Variants in TBL1X observed in about 807,000 individuals in gnomAD.
TBL1X encodes the protein F-box-like/WD repeat-containing protein TBL1X.
TBL1X carries 10 observed loss-of-function variants against 50.7 expected under a neutral mutation model. The observed-to-expected ratio is 0.20, with a 90% CI of 0.12 to 0.33. The LOEUF (loss-of-function observed/expected upper bound fraction) is 0.33. Among genes scored for constraint, TBL1X ranks in the 10% least tolerant of loss-of-function variants. The pLI, the probability that TBL1X is intolerant of heterozygous loss-of-function variation, is 1.00. For missense variants in TBL1X, 340 were observed against 504.4 expected (o/e 0.67, Z 3.12); for synonymous variants, 190 against 214.7 (o/e 0.88, Z 1.01).
intron 1 of TBL1X, among the ~76,000 whole-genome samples, chrX:9,496,490 AC>A (rs2081971769): frequency 8.9e-6 from 1 of 112,946 alleles, no homozygotes; most frequent in African/African-American, 3.2e-5. Flanking sequence ...CTTCAGTTGT[AC>A]ATATCAATTA....
At chrX:9,468,320 A>G (rs901299606) in intron 1 of TBL1X, among the ~76,000 whole-genome samples, 1 of 112,102 alleles carries the variant, frequency 8.9e-6, no homozygotes, top group Admixed American at 9.5e-5. Context: ...GTTGCAGCCA[A>G]CTAATGGTTC....
intron 2 of TBL1X, among the ~76,000 whole-genome samples, chrX:9,586,467 A>G (rs2082470331): frequency 8.9e-6 from 1 of 112,887 alleles, no homozygotes; most frequent in Non-Finnish European, 1.9e-5. Flanking sequence ...AGAAAGTAGA[A>G]TGGCAGTTGC....
intron 2 of TBL1X, 46 bp downstream of exon 2, chrX:9,501,895 T>G (rs921262698): frequency 7.2e-5 from 8 of 110,940 alleles, no homozygotes; most frequent in African/African-American, 2.6e-4. Context: ...TGGAAATTCT[T>G]TCCTGTGAGA....
chrX:9,545,518 C>G (rs763505309), intron 2 of TBL1X, among the ~76,000 whole-genome samples: 20 of 107,789 alleles, frequency 1.9e-4, no homozygotes, highest in Non-Finnish European at 3.6e-4. Context: ...GCACTCCATC[C>G]TGGGTGACAA....
At chrX:9,471,557 C>G (rs763461400) in intron 1 of TBL1X, among the ~76,000 whole-genome samples, 2 of 112,048 alleles carry the variant, frequency 1.8e-5, no homozygotes, top group East Asian at 5.6e-4. Context: ...TCAGTTTTCC[C>G]ATGATTAAAA....
intron 2 of TBL1X, among the ~76,000 whole-genome samples, chrX:9,528,419 C>T (rs939865884): frequency 9.0e-6 from 1 of 110,707 alleles, no homozygotes; most frequent in African/African-American, 3.3e-5. Context: ...GAGGAGTTCT[C>T]CCGAGGCCCT....
intron 1 of TBL1X, among the ~76,000 whole-genome samples, chrX:9,473,222 C>G (rs2081828670): frequency 8.9e-6 from 1 of 112,055 alleles, no homozygotes; most frequent in African/African-American, 3.2e-5. Flanking sequence ...ATTGATATCC[C>G]TGAATAGGAA....
At chrX:9,608,046 C>T (rs1026457578) in intron 2 of TBL1X, among the ~76,000 whole-genome samples, 1 of 109,504 alleles carries the variant, frequency 9.1e-6, no homozygotes, top group East Asian at 2.9e-4. Context: ...AACTGATCCT[C>T]CCGCCTTGGG....
At chrX:9,525,764 A>G (rs905209592) in intron 2 of TBL1X, among the ~76,000 whole-genome samples, 2 of 112,235 alleles carry the variant, frequency 1.8e-5, no homozygotes, top group Non-Finnish European at 3.8e-5. Flanking sequence ...CTTGGCCAGA[A>G]TTTAAATGTT....
intron 13 of TBL1X, among the ~76,000 whole-genome samples, chrX:9,705,538 T>A (rs771603689): frequency 3.6e-5 from 4 of 110,613 alleles, no homozygotes; most frequent in Non-Finnish European, 7.6e-5. Context: ...GAGGATTGCT[T>A]GAGGCCAGGA....
At chrX:9,479,920 G>A (rs1396714882) in intron 1 of TBL1X, among the ~76,000 whole-genome samples, 2 of 108,939 alleles carry the variant, frequency 1.8e-5, no homozygotes, top group Non-Finnish European at 3.8e-5. Flanking sequence ...TACATGCAAG[G>A]CGTAGAAGGA....
chrX:9,563,835 T>G (rs1014713460), intron 2 of TBL1X, among the ~76,000 whole-genome samples: 5 of 112,181 alleles, frequency 4.5e-5, no homozygotes, highest in South Asian at 7.3e-4. Context: ...GAAGAAAAAT[T>G]TTATACCAAG....
intron 5 of TBL1X, among the ~76,000 whole-genome samples, chrX:9,664,504 G>A (rs904413097): frequency 9.0e-6 from 1 of 110,875 alleles, no homozygotes; most frequent in African/African-American, 3.3e-5. Flanking sequence ...TTTGTCATAC[G>A]GACATTGCTT....
At chrX:9,513,092 C>T (rs768604649) in intron 2 of TBL1X, among the ~76,000 whole-genome samples, 1 of 110,633 alleles carries the variant, frequency 9.0e-6, no homozygotes, top group African/African-American at 3.3e-5. Flanking sequence ...GGAGGAAGCC[C>T]CCAGAGTCTC....
chrX:9,629,140 A>G (rs1006969602), intron 2 of TBL1X, among the ~76,000 whole-genome samples: 2 of 112,690 alleles, frequency 1.8e-5, no homozygotes, highest in Non-Finnish European at 3.8e-5. Flanking sequence ...TACTTTAGTA[A>G]TGTGTTAGGA....
intron 3 of TBL1X, among the ~76,000 whole-genome samples, chrX:9,648,547 C>T (rs891238858): frequency 1.8e-5 from 2 of 112,208 alleles, no homozygotes; most frequent in Non-Finnish European, 3.8e-5. Flanking sequence ...CTTCTCTCCT[C>T]TTTCTCTGAC....
At chrX:9,701,001 TG>T (rs1308004125) in intron 12 of TBL1X, among the ~76,000 whole-genome samples, 2 of 110,034 alleles carry the variant, frequency 1.8e-5, no homozygotes, top group Non-Finnish European at 3.8e-5. Flanking sequence ...TGAGGGAGCA[TG>T]TGAGGAGGTT....
intron 1 of TBL1X, among the ~76,000 whole-genome samples, chrX:9,497,761 CCTCCCTCCCTCCCTCT>C (rs1305032040): frequency 2.5e-5 from 2 of 81,020 alleles, no homozygotes; most frequent in Non-Finnish European, 4.7e-5. Flanking sequence ...TCCCTCCCTC[CCTCCCTCCCTCCCTCT>C]CTCTCTCCCT....
chrX:9,595,501 G>A (rs2082522560), intron 2 of TBL1X, among the ~76,000 whole-genome samples: 1 of 111,811 alleles, frequency 8.9e-6, no homozygotes, highest in Non-Finnish European at 1.9e-5. Flanking sequence ...CGATGGAGAG[G>A]GTTCACATAA....
Sources: allele counts gnomAD v4.1 joint callset (sites outside exome capture counted in the v4.1 genomes callset), GRCh38; gene constraint gnomAD v4.1.1; transcripts MANE v1.5; gene names NCBI Gene and HGNC (gene_info 2026-07-23, HGNC 2026-07-21).